The following KCNH1 variants were observed in gnomAD, a reference collection of about 807,000 sequenced individuals.
KCNH1 encodes the protein voltage-gated delayed rectifier potassium channel KCNH1.
In KCNH1, 27 loss-of-function variants were observed where a neutral mutation model predicts 69.2. The ratio of observed to expected loss-of-function variants is 0.39; its 90% CI spans 0.29 to 0.54. The LOEUF is 0.54. KCNH1 is among the 20% of genes least tolerant of loss of function. The probability of loss-of-function intolerance (pLI) is 0.68; values close to 1 mark genes in which losing one functional copy is unlikely to be tolerated. For synonymous variants in KCNH1, 456 were observed against 487.7 expected (o/e 0.93, Z 0.86); for missense variants, 798 against 1,261.6 (o/e 0.63, Z 5.57).
In KCNH1 at chr1:210,862,148, C is replaced by T. The variant is rs961138686; in HGVS notation, c.1462+57492G>A. ...TGTCTCACAGGTAAATCCAGCTGTT[C>T]CGACATAGTAATCTGGAGCAGCGTT... On this transcript the variant is annotated intron_variant, in intron 7 of 10. Transcript: ENST00000271751. The T allele has an allele frequency of 1.3e-5, 18 of 1,342,274 alleles. No homozygotes were observed. The African/African-American group carries it at 2.4e-4, about 18-fold the overall frequency. The allele number at this position is 1,342,274 out of a possible 1,614,324, so 83.1% of individuals were successfully genotyped here.
chr1:210,824,480 A>G (rs1684997584), intron 7 of KCNH1, among the ~76,000 whole-genome samples: 1 of 152,184 alleles, frequency 6.6e-6, no homozygotes, highest in Admixed American at 6.5e-5. Flanking sequence ...TGTCCAAAAT[A>G]GAAAATAATG....
At chr1:210,797,836 G>A (rs1317475713) in intron 8 of KCNH1, 76 bp from the exon 9 acceptor site, 9 of 1,526,168 alleles carry the variant, frequency 5.9e-6, no homozygotes, top group Admixed American at 1.9e-5. Context: ...CACTCTAGGG[G>A]GAGGAGCAAC....
chr1:210,983,557 G>A (rs765674709), intron 6 of KCNH1, among the ~76,000 whole-genome samples: 7 of 152,124 alleles, frequency 4.6e-5, no homozygotes, highest in South Asian at 2.1e-4. Flanking sequence ...TTTTTTGTCA[G>A]GTTTGTCAAA....
At chr1:210,929,655 C>T (rs1201382395) in intron 6 of KCNH1, among the ~76,000 whole-genome samples, 1 of 152,132 alleles carries the variant, frequency 6.6e-6, no homozygotes, top group Admixed American at 6.5e-5. Flanking sequence ...TTCTATTCAA[C>T]ACAGTACTGG....
chr1:210,812,062 T>C (rs2102416242), intron 7 of KCNH1, among the ~76,000 whole-genome samples: 1 of 152,308 alleles, frequency 6.6e-6, no homozygotes, highest in South Asian at 2.1e-4. Context: ...TGCTAAGAAC[T>C]TTGAGAAGAG....
At chr1:210,997,599 T>A (rs1016324074) in intron 6 of KCNH1, among the ~76,000 whole-genome samples, 3 of 152,120 alleles carry the variant, frequency 2.0e-5, no homozygotes, top group Admixed American at 2.0e-4. Flanking sequence ...CAGGATATTA[T>A]CCAGGAGAAC....
intron 7 of KCNH1, among the ~76,000 whole-genome samples, chr1:210,817,363 A>C (rs1337573415): frequency 6.6e-6 from 1 of 152,214 alleles, no homozygotes; most frequent in Non-Finnish European, 1.5e-5. Flanking sequence ...TGAATAAATG[A>C]ATAATAACAA....
intron 10 of KCNH1, among the ~76,000 whole-genome samples, chr1:210,686,589 A>G (rs1308289909): frequency 6.6e-6 from 1 of 152,220 alleles, no homozygotes; most frequent in Non-Finnish European, 1.5e-5. Context: ...GGAATGCAGA[A>G]AAGGGGAAGG....
intron 1 of KCNH1, among the ~76,000 whole-genome samples, chr1:211,130,813 C>T (rs1558617321): frequency 6.6e-6 from 1 of 152,110 alleles, no homozygotes; most frequent in East Asian, 1.9e-4. Context: ...ATGTTAAGTG[C>T]CCATTATCCC....
At chr1:211,045,594 A>G (rs569938626) in intron 5 of KCNH1, among the ~76,000 whole-genome samples, 1 of 152,270 alleles carries the variant, frequency 6.6e-6, no homozygotes, top group East Asian at 1.9e-4. Flanking sequence ...TTTGGAGATA[A>G]GTATACTCCT....
At chr1:210,748,038 C>T (rs1293734522) in intron 10 of KCNH1, among the ~76,000 whole-genome samples, 3 of 152,214 alleles carry the variant, frequency 2.0e-5, no homozygotes, top group Non-Finnish European at 4.4e-5. Flanking sequence ...CTGCCAGCCA[C>T]GTGCCTTGGC....
chr1:210,748,008 TG>T (rs1683200132), intron 10 of KCNH1, among the ~76,000 whole-genome samples: 1 of 152,206 alleles, frequency 6.6e-6, no homozygotes, highest in Admixed American at 6.5e-5. Flanking sequence ...TGCACGTGTG[TG>T]TGTTCAGGCA....
At chr1:211,030,412 A>G (rs941784196) in intron 5 of KCNH1, among the ~76,000 whole-genome samples, 2 of 152,190 alleles carry the variant, frequency 1.3e-5, no homozygotes, top group African/African-American at 4.8e-5. Flanking sequence ...GAAAAAGAAT[A>G]TAGATTCATA....
At chr1:210,987,222 G>T (rs900999670) in intron 6 of KCNH1, among the ~76,000 whole-genome samples, 1 of 152,142 alleles carries the variant, frequency 6.6e-6, no homozygotes, top group South Asian at 2.1e-4. Context: ...TTTGCCGTGG[G>T]TTTGAACTTC....
At chr1:210,979,358 T>C (rs1310537609) in intron 6 of KCNH1, among the ~76,000 whole-genome samples, 2 of 152,204 alleles carry the variant, frequency 1.3e-5, no homozygotes, top group Non-Finnish European at 2.9e-5. Flanking sequence ...ACACTGAAAT[T>C]GTTATTTGTG....
chr1:210,703,231 GCTC>G (rs1260371646), intron 10 of KCNH1, among the ~76,000 whole-genome samples: 5 of 152,106 alleles, frequency 3.3e-5, no homozygotes, highest in African/African-American at 1.2e-4. Flanking sequence ...GACAAAAACT[GCTC>G]CTAAAAATAA....
chr1:210,927,353 A>G (rs149995027), intron 6 of KCNH1, among the ~76,000 whole-genome samples: 12,015 of 152,304 alleles, frequency 0.079, 674 homozygotes, highest in South Asian at 0.18. Flanking sequence ...TCAGATTAAC[A>G]GCAGATTTCT....
intron 5 of KCNH1, among the ~76,000 whole-genome samples, chr1:211,078,665 A>T (rs1032307170): frequency 6.6e-6 from 1 of 152,218 alleles, no homozygotes; most frequent in Non-Finnish European, 1.5e-5. Context: ...AAGAGGAAGC[A>T]GGAAAGATCT....
chr1:211,017,270 T>C (rs1302148891), intron 6 of KCNH1, among the ~76,000 whole-genome samples: 1 of 152,166 alleles, frequency 6.6e-6, no homozygotes, highest in African/African-American at 2.4e-5. Context: ...CTGGTACTGA[T>C]CTGAAGGCAG....
Sources: gnomAD v4.1 joint callset for allele counts (sites outside exome capture counted in the v4.1 genomes callset) on GRCh38, gnomAD v4.1.1 for gene constraint, MANE v1.5 for transcripts, NCBI Gene and HGNC (gene_info 2026-07-23, HGNC 2026-07-21) for gene names.